Variants in COPE observed in about 807,000 individuals in gnomAD.
COPE encodes the protein coatomer subunit epsilon.
COPE carries 19 observed loss-of-function variants against 42.1 expected under a neutral mutation model. The observed-to-expected ratio is 0.45, with a 90% CI of 0.31 to 0.66. COPE has a LOEUF of 0.66. Among genes scored for constraint, COPE ranks in the 30% least tolerant of loss-of-function variants. COPE has a pLI of 0.05. For missense variants in COPE, 402 were observed against 416.1 expected (o/e 0.97, Z 0.30); for synonymous variants, 195 against 181.3 (o/e 1.08, Z -0.60).
intron 6 of COPE, among the ~76,000 whole-genome samples, chr19:18,903,828 G>A (rs1400511514): frequency 6.6e-6 from 1 of 152,226 alleles, no homozygotes; most frequent in Non-Finnish European, 1.5e-5. Context: ...CACTTGCAGG[G>A]GGAGCCTGAG....
chr19:18,901,101 G>C (rs1331112253), intron 7 of COPE, among the ~76,000 whole-genome samples: 4 of 152,228 alleles, frequency 2.6e-5, no homozygotes, highest in Admixed American at 2.6e-4. Context: ...CCATGAGGTG[G>C]CTCCAAAGGG....
At position 18,906,968 on chromosome 19, in the gene COPE, G is replaced by C. The variant is rs11537884; in HGVS notation, c.435C>G (p.Ser145Arg). The change falls in exon 4 of 10, where the codon AGC (serine) becomes AGG (arginine). Residue 145 changes from serine to arginine, a missense_variant. Transcript: ENST00000262812. The part of the protein sequence containing the change: ...AALRALHQGD[S>R]LECTAMTVQI... ...GCAGGGAGGCCACTCACCACTCCAG[G>C]CTGTCCCCCTGGTGCAGCGCACGCA... The C allele has an allele frequency of 2.6e-6, 4 of 1,560,160 alleles. No homozygotes were observed. The highest frequency in any genetic ancestry group is 3.5e-6 in the Non-Finnish European group (4 of 1,152,606).
Position 18,905,505 on chromosome 19 carries a change from GC to G in COPE, c.497+70del, listed in dbSNP as rs1234684614. The G allele has an allele frequency of 1.0e-5, 14 of 1,349,032 alleles. No homozygotes were observed. The East Asian group carries it at 3.4e-4, about 33-fold the overall frequency. The allele number at this position is 1,349,032 out of a possible 1,614,324, so 83.6% of individuals were successfully genotyped here. ...AATGACAGCACCACAGACGCTCTGG[GC>G]TGTGACGCTCTGGGCTGTGACGCTC... On this transcript the variant is annotated intron_variant, in intron 5 of 9. Coordinates refer to ENST00000262812, the MANE Select transcript of COPE (RefSeq NM_007263.4).
intron 3 of COPE, among the ~76,000 whole-genome samples, chr19:18,908,249 T>C (rs2056778936): frequency 6.6e-6 from 1 of 150,992 alleles, no homozygotes; most frequent in Non-Finnish European, 1.5e-5. Context: ...GGCAACATAG[T>C]AGGACCCCTT....
chr19:18,903,320 G>C lies in COPE; in HGVS notation c.683C>G (p.Ala228Gly). 1 of 1,612,324 alleles carries C rather than the reference G, an allele frequency of 6.2e-7. No homozygotes were observed. Among genetic ancestry groups the C allele is most frequent in the Non-Finnish European group, 8.5e-7 (1 of 1,179,414 alleles). The stretch of plus-strand genomic sequence containing the variant: ...CTCAGCGGCCTCCCAGCGGCCCTGG[G>C]CCATGTGGCAGGCCGCCTGCCCATT... ...LLNGQAACHM[A>G]QGRWEAAEGL... is the part of the protein sequence containing the mutation. The change falls in exon 7 of 10, where the codon GCC becomes GGC. Residue 228 changes from alanine (A) to glycine (G), a missense_variant. Ala to Gly is a moderately conservative substitution (Grantham distance 60, BLOSUM62 0). Coordinates refer to ENST00000262812, the MANE Select transcript of COPE (RefSeq NM_007263.4).
intron 9 of COPE, 31 bp from the exon 10 acceptor site, chr19:18,899,757 G>A (rs1322677538): frequency 5.0e-6 from 8 of 1,613,190 alleles, no homozygotes; most frequent in African/African-American, 1.3e-5. Context: ...ACACAGGGTG[G>A]GGGCAGGGTG....
rs1468528274 is a variant in COPE, at chr19:18,903,544, T to TCAAGGCACAGCCACTCCGC, written c.580-140_580-122dup. On this transcript the variant is annotated intron_variant, in intron 6 of 9. Transcript: ENST00000262812. ...CAGAGACGAATCTGGTGTGCCCGGT[T>TCAAGGCACAGCCACTCCGC]CAAGGCACAGCCACTCCGCCATGGG... 76 of 1,178,270 alleles carry TCAAGGCACAGCCACTCCGC rather than the reference T, an allele frequency of 6.5e-5. 1 individual carries two copies. In the Middle Eastern group the frequency reaches 1.3e-3, roughly 20 times the overall value. The allele number at this position is 1,178,270 out of a possible 1,614,324, so 73.0% of individuals were successfully genotyped here. A position where few individuals can be genotyped will look rare whatever the true frequency, so the allele number is the denominator to read the frequency against.
In COPE at chr19:18,899,767, G is replaced by A. The variant is rs556140375; in HGVS notation, c.880-41C>T. The stretch of plus-strand genomic sequence containing the variant: ...TGGCAACACAGGGTGGGGGCAGGGT[G>A]TGGGGAGACAGGTGGAGGGAGAGAG... On this transcript the variant is annotated intron_variant, in intron 9 of 9. Transcript: ENST00000262812. 1.3e-5 allele frequency: 21 copies of A among 1,613,122 alleles called. No homozygotes were observed. The South Asian group carries it at 1.5e-4, about 12-fold the overall frequency.
At position 18,903,388 on chromosome 19, in the gene COPE, G is replaced by A. The variant is rs762046956; in HGVS notation, c.615C>T (p.Phe205=). ...GCGAGCACTTGTCAGCCATCTCCTGGAAGATGTAGTAGGCATCCTGCAGCT... is the reference window on the plus strand; with the variant it reads ...GCGAGCACTTGTCAGCCATCTCCTGAAAGATGTAGTAGGCATCCTGCAGCT... The part of the protein sequence containing the change: ...GEKLQDAYYI[F]QEMADKCSPT... Residue 205 remains phenylalanine (F), a synonymous_variant, in exon 7 of 10, where the codon TTC becomes TTT. Coordinates refer to ENST00000262812, the MANE Select transcript of COPE (RefSeq NM_007263.4). 7 of 1,613,220 alleles carry A rather than the reference G, an allele frequency of 4.3e-6. No homozygotes were observed. Among genetic ancestry groups the A allele is most frequent in the Admixed American group, 3.3e-5 (2 of 59,950 alleles).
chr19:18,908,758 C>A (rs1316929062), intron 3 of COPE, among the ~76,000 whole-genome samples: 1 of 151,826 alleles, frequency 6.6e-6, no homozygotes, highest in Non-Finnish European at 1.5e-5. Flanking sequence ...ACCTCGTGAT[C>A]CGCCCGCCTC....
rs913755227 is a variant in COPE, at chr19:18,917,245, T to C, written c.126+1978A>G. ...TACTAGAAACATTCTTTTTTTCTTT[T>C]TTTTTTTTTTTTTTTGAGATAGGGT... On this transcript the variant is annotated intron_variant, in intron 1 of 9. Transcript: ENST00000262812. 4.1e-5 allele frequency among the ~76,000 whole-genome samples: 6 copies of C among 146,686 alleles called. No individual in the cohort carries two copies. The South Asian group carries it at 6.4e-4, about 16-fold the overall frequency.
chr19:18,900,362 A>G lies in COPE; in HGVS notation c.804+19T>C, dbSNP rs1434267181. On this transcript the variant is annotated intron_variant, in intron 8 of 9. Coordinates refer to ENST00000262812, the MANE Select transcript of COPE (RefSeq NM_007263.4). ...GGTCTGGACATTAGGGTTGGCCTGG[A>G]GCCCTGGGGGCCGCTTACCTCAGGG... 7.1e-6 allele frequency: 11 copies of G among 1,543,242 alleles called. No homozygotes were observed. Among genetic ancestry groups the G allele is most frequent in the Middle Eastern group, 3.3e-4 (2 of 5,976 alleles).
At chr19:18,908,869 G>A (rs989892301) in intron 3 of COPE, among the ~76,000 whole-genome samples, 4 of 152,022 alleles carry the variant, frequency 2.6e-5, no homozygotes, top group African/African-American at 4.8e-5. Flanking sequence ...ATGGTGATGC[G>A]TGCCTGTAGT....
intron 7 of COPE, among the ~76,000 whole-genome samples, chr19:18,902,772 A>AG (rs1568314845): frequency 0.025 from 811 of 31,908 alleles, 133 homozygotes; most frequent in Middle Eastern, 0.069. Flanking sequence ...AGGAAGGGAA[A>AG]GAAGGAAGGA....
intron 1 of COPE, among the ~76,000 whole-genome samples, chr19:18,915,311 CCT>C (rs1451250891): frequency 5.9e-5 from 9 of 152,188 alleles, no homozygotes; most frequent in African/African-American, 1.7e-4. Context: ...CTCAGCCGCC[CCT>C]GTGTGAAATG....
At chr19:18,915,804 C>A (rs1462468539) in intron 1 of COPE, among the ~76,000 whole-genome samples, 2 of 152,216 alleles carry the variant, frequency 1.3e-5, no homozygotes, top group African/African-American at 4.8e-5. Context: ...CAACTCAAGG[C>A]CTATGAGCTG....
chr19:18,911,570 G>A (rs1347622068), intron 2 of COPE, among the ~76,000 whole-genome samples: 1 of 143,970 alleles, frequency 6.9e-6, no homozygotes, highest in Non-Finnish European at 1.5e-5. Context: ...TTTTTTTTTC[G>A]AGACGGAGTC....
intron 5 of COPE, 56 bp from the exon 6 acceptor site, chr19:18,904,908 A>G: frequency 1.3e-6 from 2 of 1,521,068 alleles, no homozygotes; most frequent in South Asian, 1.2e-5. Flanking sequence ...TGGCCTGGCC[A>G]TCCCTGCCTT....
chr19:18,905,089 G>A (rs2056746015), intron 5 of COPE, among the ~76,000 whole-genome samples: 1 of 152,162 alleles, frequency 6.6e-6, no homozygotes, highest in African/African-American at 2.4e-5. Context: ...CCACCACAAG[G>A]TAGAGCTCAG....
Sources: gnomAD v4.1 joint callset for allele counts (sites outside exome capture counted in the v4.1 genomes callset) on GRCh38, gnomAD v4.1.1 for gene constraint, MANE v1.5 for transcripts, NCBI Gene and HGNC (gene_info 2026-07-23, HGNC 2026-07-21) for gene names.